Variants in SAMSN1 observed in about 807,000 individuals in gnomAD.
SAMSN1 encodes SAM domain, SH3 domain and nuclear localization signals 1.
A neutral mutation model predicts 42.0 loss-of-function variants in SAMSN1; 31 were observed. The observed-to-expected ratio is 0.74, with a 90% CI of 0.55 to 1.00. The LOEUF (loss-of-function observed/expected upper bound fraction) is 1.00, where lower values mean the gene tolerates loss of function less well. Ranked by LOEUF, SAMSN1 falls within the 50% of genes least tolerant of loss-of-function variation. SAMSN1 has a pLI of 0.00. For missense variants in SAMSN1, 464 were observed against 439.4 expected, an observed-to-expected ratio of 1.06 and a Z score of -0.50; for synonymous variants, 178 against 151.9, an observed-to-expected ratio of 1.17 and a Z score of -1.26.
At chr21:14,521,085 A>G in intron 2 of SAMSN1, 65 bp downstream of exon 2, 1 of 1,010,500 alleles carries the variant, frequency 9.9e-7, no homozygotes, top group Non-Finnish European at 1.5e-6. Flanking sequence ...CAAAAGTGAC[A>G]TTGTCTTCAT....
chr21:14,657,294 A>G (rs752885709), intron 1 of SAMSN1, among the ~76,000 whole-genome samples: 1 of 151,876 alleles, frequency 6.6e-6, no homozygotes, highest in Non-Finnish European at 1.5e-5. Context: ...GGTTCCGTCT[A>G]ATGAAATATG....
chr21:14,578,231 C>T (rs922836545), intron 2 of SAMSN1, among the ~76,000 whole-genome samples: 6 of 152,150 alleles, frequency 3.9e-5, no homozygotes, highest in East Asian at 1.9e-4. Context: ...ACTGAAACCA[C>T]CTTACAGAGT....
chr21:14,558,457 C>T (rs550073762), intron 2 of SAMSN1, among the ~76,000 whole-genome samples: 2 of 152,040 alleles, frequency 1.3e-5, no homozygotes, highest in East Asian at 1.9e-4. Flanking sequence ...GCAGGTAGAT[C>T]CACATGAGCT....
chr21:14,532,851 T>C (rs931543861), intron 1 of SAMSN1, among the ~76,000 whole-genome samples: 3 of 151,994 alleles, frequency 2.0e-5, no homozygotes, highest in Admixed American at 2.0e-4. Flanking sequence ...ATAAAGAAAC[T>C]ATAATCATAA....
At position 14,524,389 on chromosome 21, in the gene SAMSN1, A is replaced by T. The variant is rs187197152; in HGVS notation, c.58-3168T>A. 1.4e-3 allele frequency among the ~76,000 whole-genome samples: 211 copies of T among 152,292 alleles called. 2 individuals are homozygous for T. Among genetic ancestry groups the T allele is most frequent in the Middle Eastern group, 3.4e-3 (1 of 294 alleles). Reference sequence around the variant, plus strand: ...ATAAATAAGCAGTGTCAAAAAGAAGATGAGCTTAAATAAAAATGCTATATA... The same window carrying T: ...ATAAATAAGCAGTGTCAAAAAGAAGTTGAGCTTAAATAAAAATGCTATATA... On this transcript the variant is annotated intron_variant, in intron 1 of 7. Coordinates refer to ENST00000400566, the MANE Select transcript of SAMSN1 (RefSeq NM_022136.5).
chr21:14,535,762 C>T (rs891807942), intron 1 of SAMSN1, among the ~76,000 whole-genome samples: 2 of 152,144 alleles, frequency 1.3e-5, no homozygotes, highest in Non-Finnish European at 2.9e-5. Context: ...ATCTACATGT[C>T]AAAAAGAAAG....
intron 1 of SAMSN1, among the ~76,000 whole-genome samples, chr21:14,539,399 A>G (rs894266756): frequency 2.0e-5 from 3 of 152,164 alleles, no homozygotes; most frequent in African/African-American, 7.2e-5. Flanking sequence ...AAACCCCATT[A>G]TCTCAGCCCA....
chr21:14,561,129 G>T (rs765640486), intron 2 of SAMSN1, among the ~76,000 whole-genome samples: 6 of 152,038 alleles, frequency 3.9e-5, no homozygotes, highest in Admixed American at 6.6e-5. Context: ...ATCTAAGATT[G>T]GTTTTTTGAG....
chr21:14,565,301 A>C (rs1485062005), intron 2 of SAMSN1, among the ~76,000 whole-genome samples: 1 of 151,692 alleles, frequency 6.6e-6, no homozygotes, highest in Non-Finnish European at 1.5e-5. Flanking sequence ...AAAAAAAAAA[A>C]AACATGTTTT....
chr21:14,601,651 C>T (rs185435207), intron 6 of SAMSN1, among the ~76,000 whole-genome samples: 1 of 152,170 alleles, frequency 6.6e-6, no homozygotes, highest in East Asian at 1.9e-4. Context: ...AACTCCTGGG[C>T]TAATTAATGC....
chr21:14,516,660 G>A (rs1466304091), intron 3 of SAMSN1, among the ~76,000 whole-genome samples: 2 of 152,078 alleles, frequency 1.3e-5, no homozygotes, highest in Admixed American at 6.5e-5. Flanking sequence ...CAAAGTGCTC[G>A]GATTACAGGT....
intron 5 of SAMSN1, among the ~76,000 whole-genome samples, chr21:14,502,075 G>T (rs1474390173): frequency 6.6e-6 from 1 of 152,190 alleles, no homozygotes; most frequent in African/African-American, 2.4e-5. Flanking sequence ...CTTTTTAAGT[G>T]TCTATCCTCA....
At chr21:14,633,599 T>C (rs1379137321) in intron 2 of SAMSN1, among the ~76,000 whole-genome samples, 1 of 152,216 alleles carries the variant, frequency 6.6e-6, no homozygotes, top group Non-Finnish European at 1.5e-5. Context: ...TTATGCCTGG[T>C]GGCCTAATAT....
chr21:14,596,499 T>G (rs931681940), intron 6 of SAMSN1, among the ~76,000 whole-genome samples: 1 of 152,176 alleles, frequency 6.6e-6, no homozygotes, highest in Non-Finnish European at 1.5e-5. Flanking sequence ...TCACCCTTAG[T>G]GTGAGCTGGA....
intron 7 of SAMSN1, among the ~76,000 whole-genome samples, chr21:14,491,310 G>T (rs1986674455): frequency 6.6e-6 from 1 of 151,350 alleles, no homozygotes; most frequent in Non-Finnish European, 1.5e-5. Flanking sequence ...GTCTGGCTAG[G>T]TTGCCCAGGC....
intron 1 of SAMSN1, among the ~76,000 whole-genome samples, chr21:14,522,566 G>T (rs1259346604): frequency 6.6e-6 from 1 of 152,082 alleles, no homozygotes; most frequent in Admixed American, 6.6e-5. Context: ...CTCGGAAATT[G>T]CTACCTTAAG....
At chr21:14,601,110 C>A (rs1402560647) in intron 6 of SAMSN1, among the ~76,000 whole-genome samples, 1 of 152,128 alleles carries the variant, frequency 6.6e-6, no homozygotes, top group African/African-American at 2.4e-5. Flanking sequence ...TACTAACAGT[C>A]AAAGCAAGAT....
At chr21:14,522,473 G>A (rs1443834696) in intron 1 of SAMSN1, among the ~76,000 whole-genome samples, 3 of 152,018 alleles carry the variant, frequency 2.0e-5, no homozygotes, top group African/African-American at 7.3e-5. Context: ...CATATAATCT[G>A]GTAATTTAGA....
At chr21:14,546,974 G>T (rs1461054656), upstream of SAMSN1, among the ~76,000 whole-genome samples, 1 of 152,092 alleles carries the variant, frequency 6.6e-6, no homozygotes, top group East Asian at 1.9e-4. Context: ...CTCCCAAAAT[G>T]CTAGGATTAC....
Sources: gnomAD v4.1 joint callset for allele counts (sites outside exome capture counted in the v4.1 genomes callset) on GRCh38, gnomAD v4.1.1 for gene constraint, MANE v1.5 for transcripts, NCBI Gene and HGNC (gene_info 2026-07-23, HGNC 2026-07-21) for gene names.